Variants in SNTB1 observed in about 807,000 individuals in gnomAD.
SNTB1 encodes the protein syntrophin beta 1.
A neutral mutation model predicts 48.9 loss-of-function variants in SNTB1; 36 were observed. The ratio of observed to expected loss-of-function variants is 0.74; its 90% confidence interval spans 0.56 to 0.97. The LOEUF (loss-of-function observed/expected upper bound fraction) is 0.97, where lower values mean the gene tolerates loss of function less well. Among genes scored for constraint, SNTB1 ranks in the 50% least tolerant of loss-of-function variants. The pLI, the probability that SNTB1 is intolerant of heterozygous loss-of-function variation, is 0.00. For synonymous variants in SNTB1, 299 were observed against 294.6 expected (o/e 1.01, Z -0.15); for missense variants, 786 against 703.4 (o/e 1.12, Z -1.33).
At chr8:120,669,194 G>C (rs1489917859) in intron 2 of SNTB1, among the ~76,000 whole-genome samples, 1 of 152,208 alleles carries the variant, frequency 6.6e-6, no homozygotes. Context: ...TTCTAAATGA[G>C]AAAACAGTTA....
At chr8:120,542,128 A>T (rs1419660226) in intron 5 of SNTB1, 128 bp from the exon 6 acceptor site, 1 of 635,398 alleles carries the variant, frequency 1.6e-6, no homozygotes, top group Non-Finnish European at 2.6e-6. Context: ...AAATAAAAAT[A>T]TAGTCATTGT....
At chr8:120,687,304 A>G (rs1180960102) in intron 2 of SNTB1, among the ~76,000 whole-genome samples, 1 of 152,234 alleles carries the variant, frequency 6.6e-6, no homozygotes, top group Non-Finnish European at 1.5e-5. Flanking sequence ...GGAGCCTAGA[A>G]TGAAAAGTGA....
chr8:120,798,573 T>C (rs1412671499), intron 1 of SNTB1, among the ~76,000 whole-genome samples: 1 of 152,068 alleles, frequency 6.6e-6, no homozygotes, highest in Non-Finnish European at 1.5e-5. Context: ...AATATCCCTT[T>C]TTAGTTCAAT....
intron 1 of SNTB1, among the ~76,000 whole-genome samples, chr8:120,698,514 T>C (rs887537500): frequency 6.6e-6 from 1 of 151,754 alleles, no homozygotes; most frequent in African/African-American, 2.4e-5. Flanking sequence ...TTGATATGTA[T>C]AGAAAATGAA....
At chr8:120,689,650 A>G (rs1313926415) in intron 2 of SNTB1, among the ~76,000 whole-genome samples, 1 of 152,000 alleles carries the variant, frequency 6.6e-6, no homozygotes, top group Non-Finnish European at 1.5e-5. Flanking sequence ...TGGATGCATT[A>G]TTTTCATTAT....
intron 5 of SNTB1, among the ~76,000 whole-genome samples, chr8:120,545,844 G>A (rs1463535364): frequency 6.6e-6 from 1 of 152,136 alleles, no homozygotes. Flanking sequence ...ACAGGTCTAG[G>A]GATAATAATT....
At chr8:120,619,389 T>C (rs904093048) in intron 3 of SNTB1, among the ~76,000 whole-genome samples, 1 of 152,120 alleles carries the variant, frequency 6.6e-6, no homozygotes, top group Non-Finnish European at 1.5e-5. Flanking sequence ...GGAATTGATT[T>C]ACGTTAACTC....
rs1409971099 is a variant in SNTB1 at position 120,537,292 on chromosome 8, T to C, written c.*1585A>G. On this transcript the variant is annotated 3_prime_UTR_variant, in exon 7 of 7. Transcript: ENST00000517992. ...AACTTTAAAATCTTCAAGGAGGCAATCGTGAAATCTATTTAACATTTTTCA... is the reference window on the plus strand; with the variant it reads ...AACTTTAAAATCTTCAAGGAGGCAACCGTGAAATCTATTTAACATTTTTCA... The C allele has an allele frequency of 6.6e-6, 1 of 152,132 alleles. No individual in the cohort carries two copies. Among genetic ancestry groups the C allele is most frequent in the Admixed American group, 6.6e-5 (1 of 15,262 alleles). The allele number at this position is 152,132 out of a possible 1,614,324, so 9.4% of individuals were successfully genotyped here. A position where few individuals can be genotyped will look rare whatever the true frequency, so the allele number is the denominator to read the frequency against.
At chr8:120,750,029 T>G (rs73323148) in intron 1 of SNTB1, among the ~76,000 whole-genome samples, 19,749 of 152,116 alleles carry the variant, frequency 0.13, 1,660 homozygotes, top group African/African-American at 0.23. Context: ...TTATTTTAAT[T>G]ATTAAGAAGT....
At chr8:120,790,746 C>G (rs1820015425) in intron 1 of SNTB1, among the ~76,000 whole-genome samples, 1 of 151,874 alleles carries the variant, frequency 6.6e-6, no homozygotes, top group Non-Finnish European at 1.5e-5. Context: ...ATAGATGATA[C>G]AAACAAATGG....
At chr8:120,548,722 C>G in intron 5 of SNTB1, 40 bp downstream of exon 5, 2 of 1,590,274 alleles carry the variant, frequency 1.3e-6, no homozygotes, top group Non-Finnish European at 1.7e-6. Context: ...GTTCATCTTC[C>G]CGTAACAATG....
At chr8:120,654,071 A>AAAAAAAAAAAAAAAAAAAAAAAT (rs1817457552) in intron 2 of SNTB1, among the ~76,000 whole-genome samples, 2 of 144,008 alleles carry the variant, frequency 1.4e-5, no homozygotes, top group Non-Finnish European at 3.0e-5. Flanking sequence ...AAAAAAAAAA[A>AAAAAAAAAAAAAAAAAAAAAAAT]GTTGTCTTCT....
At chr8:120,579,715 A>C (rs1389421104) in intron 3 of SNTB1, among the ~76,000 whole-genome samples, 2 of 151,990 alleles carry the variant, frequency 1.3e-5, no homozygotes, top group Admixed American at 6.6e-5. Flanking sequence ...AACAAACAAA[A>C]AACCTAGAAT....
At chr8:120,590,132 T>A (rs911500291) in intron 3 of SNTB1, among the ~76,000 whole-genome samples, 1 of 152,214 alleles carries the variant, frequency 6.6e-6, no homozygotes, top group Non-Finnish European at 1.5e-5. Flanking sequence ...CATGCAGCTG[T>A]CTTTATGGCA....
intron 2 of SNTB1, among the ~76,000 whole-genome samples, chr8:120,652,847 A>G (rs1277551302): frequency 1.3e-5 from 2 of 152,218 alleles, no homozygotes; most frequent in Non-Finnish European, 2.9e-5. Context: ...GGAAAAAACT[A>G]CATTAGTGAA....
intron 3 of SNTB1, among the ~76,000 whole-genome samples, chr8:120,624,527 T>C (rs1402435888): frequency 6.6e-6 from 1 of 152,200 alleles, no homozygotes; most frequent in Non-Finnish European, 1.5e-5. Flanking sequence ...GTCCCATCAA[T>C]GGAACTCTGT....
chr8:120,651,412 G>T (rs567284671), intron 2 of SNTB1, among the ~76,000 whole-genome samples: 2 of 152,302 alleles, frequency 1.3e-5, no homozygotes, highest in Admixed American at 6.5e-5. Context: ...AAACAAAAAA[G>T]AGCTATATGA....
chr8:120,639,632 G>T (rs989123913), intron 2 of SNTB1, among the ~76,000 whole-genome samples: 6 of 152,158 alleles, frequency 3.9e-5, no homozygotes, highest in African/African-American at 1.4e-4. Context: ...TTATTAAATA[G>T]GGAATCCTTT....
At chr8:120,552,215 G>C (rs1815493106) in intron 4 of SNTB1, among the ~76,000 whole-genome samples, 1 of 152,156 alleles carries the variant, frequency 6.6e-6, no homozygotes, top group Non-Finnish European at 1.5e-5. Context: ...CAATTTGTTA[G>C]AAAATACACA....
Sources: gnomAD v4.1 joint callset for allele counts (sites outside exome capture counted in the v4.1 genomes callset) on GRCh38, gnomAD v4.1.1 for gene constraint, MANE v1.5 for transcripts, NCBI Gene and HGNC (gene_info 2026-07-23, HGNC 2026-07-21) for gene names.